Variants in NMBR observed in about 807,000 individuals in gnomAD.
NMBR encodes neuromedin-B receptor.
A neutral mutation model predicts 20.5 loss-of-function variants in NMBR; 16 were observed. The ratio of observed to expected loss-of-function variants is 0.78; its 90% CI spans 0.53 to 1.19. The LOEUF (loss-of-function observed/expected upper bound fraction) is 1.19, where lower values mean the gene tolerates loss of function less well. Ranked by LOEUF, NMBR falls within the 50% of genes most tolerant of loss-of-function variation. The pLI, the probability that NMBR is intolerant of heterozygous loss-of-function variation, is 0.00. For synonymous variants in NMBR, 212 were observed against 196.6 expected, an observed-to-expected ratio of 1.08 and a Z score of -0.65; for missense variants, 582 against 499.1, an observed-to-expected ratio of 1.17 and a Z score of -1.58.
intron 1 of NMBR, among the ~76,000 whole-genome samples, chr6:142,111,013 A>T (rs1011170611): frequency 6.6e-6 from 1 of 152,106 alleles, no homozygotes; most frequent in Admixed American, 6.6e-5. Context: ...GCCAAGGCGC[A>T]TGGATCACTT....
intron 2 of NMBR, among the ~76,000 whole-genome samples, chr6:142,085,951 C>G (rs1246180318): frequency 7.1e-6 from 1 of 140,856 alleles, no homozygotes; most frequent in East Asian, 2.1e-4. Flanking sequence ...CAAGGTGCTT[C>G]TTTTATTTTG....
intron 1 of NMBR, among the ~76,000 whole-genome samples, chr6:142,095,667 A>T (rs1306613409): frequency 6.6e-6 from 1 of 152,192 alleles, no homozygotes; most frequent in Non-Finnish European, 1.5e-5. Flanking sequence ...CTGGCCTCAT[A>T]AAATGAGTTA....
At position 142,075,929 on chromosome 6, in the gene NMBR, G is replaced by C. The variant is rs371521732; in HGVS notation, c.892C>G (p.Pro298Ala). Residue 298 changes from proline to alanine, a missense_variant, in exon 4 of 4, where the codon CCA becomes GCA. Physicochemically the swap from Pro to Ala is conservative, Grantham distance 27 (BLOSUM62 -1). Transcript: ENST00000258042. ...YRSFNYNEID[P>A]SLGHMIVTLV... is the part of the protein sequence containing the mutation. ...GTGACAATCATGTGGCCTAGAGATG[G>C]ATCAATCTCATTATAGTTGAAAGAC... 3.0e-5 allele frequency: 48 copies of C among 1,613,884 alleles called. No individual in the cohort carries two copies. Among genetic ancestry groups the C allele is most frequent in the African/African-American group, 1.3e-5 (1 of 74,912 alleles).
At chr6:142,084,881 G>C (rs753896444) in intron 2 of NMBR, among the ~76,000 whole-genome samples, 1 of 152,120 alleles carries the variant, frequency 6.6e-6, no homozygotes, top group African/African-American at 2.4e-5. Flanking sequence ...AATACTCCAC[G>C]GGGGGAGGTG....
chr6:142,083,118 A>G lies in NMBR; in HGVS notation c.423-4215T>C, dbSNP rs537048192. 2.6e-5 allele frequency among the ~76,000 whole-genome samples: 4 copies of G among 152,360 alleles called. No homozygotes were observed. In the South Asian group the frequency reaches 6.2e-4, roughly 24 times the overall value. On this transcript the variant is annotated intron_variant, in intron 2 of 3. Coordinates refer to ENST00000258042, the MANE Select transcript of NMBR (RefSeq NM_002511.4). Reference sequence around the variant, plus strand: ...GTGTGAAATTACTTCTAAGTATAAAAGAAAGAGATAAACTAGAAGTGTTCA... The same window carrying G: ...GTGTGAAATTACTTCTAAGTATAAAGGAAAGAGATAAACTAGAAGTGTTCA...
intron 1 of NMBR, among the ~76,000 whole-genome samples, chr6:142,118,181 T>C (rs1411898725): frequency 6.6e-6 from 1 of 151,990 alleles, no homozygotes; most frequent in Non-Finnish European, 1.5e-5. Context: ...GCCATAATGT[T>C]CATTAACTCC....
intron 1 of NMBR, among the ~76,000 whole-genome samples, chr6:142,142,067 C>T (rs1314945112): frequency 1.3e-5 from 2 of 152,092 alleles, no homozygotes; most frequent in Non-Finnish European, 2.9e-5. Flanking sequence ...AGGAAACATC[C>T]TGAACAATGT....
chr6:142,124,015 G>A (rs1582858010), intron 1 of NMBR, among the ~76,000 whole-genome samples: 1 of 152,042 alleles, frequency 6.6e-6, no homozygotes, highest in East Asian at 1.9e-4. Context: ...GATGGAAAAG[G>A]AGGAATATAG....
intron 1 of NMBR, among the ~76,000 whole-genome samples, chr6:142,122,369 CT>C (rs372551490): frequency 1.3e-5 from 2 of 151,868 alleles, no homozygotes; most frequent in African/African-American, 4.8e-5. Context: ...AAAAATATAC[CT>C]TGTAATGCAA....
At chr6:142,113,483 A>G (rs1777805801) in intron 1 of NMBR, among the ~76,000 whole-genome samples, 1 of 152,196 alleles carries the variant, frequency 6.6e-6, no homozygotes, top group Non-Finnish European at 1.5e-5. Context: ...TTTATTCTAT[A>G]TAAGAGATGT....
intron 1 of NMBR, among the ~76,000 whole-genome samples, chr6:142,098,122 T>C (rs974275251): frequency 6.6e-6 from 1 of 151,844 alleles, no homozygotes; most frequent in Admixed American, 6.6e-5. Context: ...GAAGAAAAAA[T>C]ACTTGAAGAA....
At chr6:142,109,800 A>G (rs1777727624) in intron 1 of NMBR, among the ~76,000 whole-genome samples, 1 of 152,084 alleles carries the variant, frequency 6.6e-6, no homozygotes, top group African/African-American at 2.4e-5. Flanking sequence ...ATAAGGGTAG[A>G]AACCTTATGA....
At chr6:142,103,581 G>A (rs1038510683) in intron 1 of NMBR, among the ~76,000 whole-genome samples, 4 of 152,132 alleles carry the variant, frequency 2.6e-5, no homozygotes, top group Non-Finnish European at 4.4e-5. Context: ...AAGGACTCAG[G>A]ATGAGGTGGC....
At chr6:142,123,794 A>ATGGC (rs1325384298) in intron 1 of NMBR, among the ~76,000 whole-genome samples, 5 of 152,000 alleles carry the variant, frequency 3.3e-5, no homozygotes, top group African/African-American at 1.2e-4. Flanking sequence ...ATGAAAGGAT[A>ATGGC]TGGCGAGGCT....
chr6:142,104,256 T>C (rs1273023723), intron 1 of NMBR, among the ~76,000 whole-genome samples: 4 of 152,242 alleles, frequency 2.6e-5, no homozygotes, highest in Admixed American at 6.5e-5. Flanking sequence ...ATGATAATTA[T>C]GGTTGATAGC....
chr6:142,128,000 T>C (rs1009113503), intron 1 of NMBR, among the ~76,000 whole-genome samples: 1 of 152,072 alleles, frequency 6.6e-6, no homozygotes, highest in Non-Finnish European at 1.5e-5. Flanking sequence ...TGTGTTCTTG[T>C]CCAAATCTCG....
chr6:142,080,319 T>TC (rs1405236761), intron 2 of NMBR, among the ~76,000 whole-genome samples: 1 of 148,832 alleles, frequency 6.7e-6, no homozygotes, highest in African/African-American at 2.5e-5. Context: ...ATCTTTTTTT[T>TC]TTTTTTTTTT....
chr6:142,144,383 T>TA (rs747537187), intron 1 of NMBR, among the ~76,000 whole-genome samples: 64 of 152,326 alleles, frequency 4.2e-4, no homozygotes, highest in Middle Eastern at 3.4e-3. Flanking sequence ...TGATCACACA[T>TA]ACATGTGTGT....
intron 1 of NMBR, among the ~76,000 whole-genome samples, chr6:142,129,903 G>T (rs1208128897): frequency 6.6e-6 from 1 of 152,102 alleles, no homozygotes; most frequent in East Asian, 1.9e-4. Flanking sequence ...GAAATAATCT[G>T]CTTGAGACCT....
Sources: allele counts gnomAD v4.1 joint callset (sites outside exome capture counted in the v4.1 genomes callset), GRCh38; gene constraint gnomAD v4.1.1; transcripts MANE v1.5; gene names NCBI Gene and HGNC (gene_info 2026-07-23, HGNC 2026-07-21).